TOX: variants seen among roughly 807,000 people sequenced by gnomAD.
TOX encodes thymocyte selection-associated high mobility group box protein TOX.
A neutral mutation model predicts 53.7 loss-of-function variants in TOX; 11 were observed. The ratio of observed to expected loss-of-function variants is 0.20; its 90% confidence interval spans 0.13 to 0.34. TOX has a LOEUF of 0.34. TOX is among the 10% of genes least tolerant of loss of function. The pLI, the probability that TOX is intolerant of heterozygous loss-of-function variation, is 1.00. For synonymous variants in TOX, 225 were observed against 245.3 expected (o/e 0.92, Z 0.77); for missense variants, 570 against 664.6 (o/e 0.86, Z 1.56).
chr8:59,057,232 G>T (rs1803902682), intron 1 of TOX, among the ~76,000 whole-genome samples: 1 of 151,894 alleles, frequency 6.6e-6, no homozygotes, highest in African/African-American at 2.4e-5. Context: ...AACATAAAAT[G>T]AAAAATATGC....
chr8:58,890,964 A>C (rs1005044804), intron 3 of TOX, among the ~76,000 whole-genome samples: 1 of 152,120 alleles, frequency 6.6e-6, no homozygotes, highest in African/African-American at 2.4e-5. Flanking sequence ...GTCCAACAGG[A>C]TCTTAGAGAT....
At chr8:59,021,482 AT>A (rs1359189605) in intron 1 of TOX, among the ~76,000 whole-genome samples, 37 of 29,748 alleles carry the variant, frequency 1.2e-3, no homozygotes, top group African/African-American at 1.9e-3. Flanking sequence ...AAAAAAAAAA[AT>A]ATATATATAT....
chr8:58,862,454 TC>T (rs1811026702), intron 3 of TOX, among the ~76,000 whole-genome samples: 2 of 152,136 alleles, frequency 1.3e-5, no homozygotes, highest in Admixed American at 1.3e-4. Context: ...TCAAAACTAA[TC>T]ATAAAAACTA....
At chr8:59,081,530 C>A (rs993452813) in intron 1 of TOX, among the ~76,000 whole-genome samples, 8 of 152,116 alleles carry the variant, frequency 5.3e-5, no homozygotes, top group African/African-American at 1.9e-4. Context: ...AAGAGGAAGT[C>A]AATGGTAGCT....
At chr8:59,056,324 A>T (rs533970232) in intron 1 of TOX, among the ~76,000 whole-genome samples, 15 of 146,464 alleles carry the variant, frequency 1.0e-4, no homozygotes, top group African/African-American at 3.5e-4. Context: ...CCCCGCTACT[A>T]GGGAGGCTAA....
At chr8:58,990,413 T>A (rs1458906366) in intron 1 of TOX, among the ~76,000 whole-genome samples, 2 of 151,280 alleles carry the variant, frequency 1.3e-5, no homozygotes, top group Non-Finnish European at 2.9e-5. Flanking sequence ...ATTTATTTAT[T>A]TTTATTTATT....
intron 7 of TOX, among the ~76,000 whole-genome samples, chr8:58,809,659 G>C (rs1385900323): frequency 6.6e-6 from 1 of 152,202 alleles, no homozygotes; most frequent in African/African-American, 2.4e-5. Context: ...AAATAAGTTT[G>C]TCTGTGTAGA....
intron 1 of TOX, among the ~76,000 whole-genome samples, chr8:59,116,732 T>C (rs1805106778): frequency 1.3e-5 from 2 of 152,234 alleles, no homozygotes; most frequent in South Asian, 2.1e-4. Flanking sequence ...TTAAAAAATC[T>C]ATTATTCTCT....
At chr8:59,059,266 T>C (rs1585993683) in intron 1 of TOX, among the ~76,000 whole-genome samples, 1 of 152,296 alleles carries the variant, frequency 6.6e-6, no homozygotes, top group East Asian at 1.9e-4. Flanking sequence ...AAAATTAAAA[T>C]AAAATTTAAT....
At chr8:59,080,240 T>G (rs1287917157) in intron 1 of TOX, among the ~76,000 whole-genome samples, 2 of 152,054 alleles carry the variant, frequency 1.3e-5, no homozygotes, top group African/African-American at 4.8e-5. Context: ...CTTAGCCTCC[T>G]AAAGTGCTAG....
intron 1 of TOX, among the ~76,000 whole-genome samples, chr8:59,058,546 A>G (rs1466972344): frequency 6.6e-6 from 1 of 152,194 alleles, no homozygotes; most frequent in Middle Eastern, 3.2e-3. Flanking sequence ...GTTCCGGAAG[A>G]AGGCAAGCCA....
intron 6 of TOX, among the ~76,000 whole-genome samples, chr8:58,820,040 C>T (rs1176115339): frequency 6.6e-6 from 1 of 152,124 alleles, no homozygotes; most frequent in Admixed American, 6.5e-5. Flanking sequence ...TACAGAGCTG[C>T]AAATTTTACG....
chr8:58,882,946 A>G (rs1811408004), intron 3 of TOX, among the ~76,000 whole-genome samples: 1 of 152,240 alleles, frequency 6.6e-6, no homozygotes, highest in Admixed American at 6.5e-5. Context: ...TCTTTAAGGT[A>G]CAGAAGAACA....
At chr8:58,894,200 G>A (rs967471890) in intron 3 of TOX, among the ~76,000 whole-genome samples, 8 of 152,196 alleles carry the variant, frequency 5.3e-5, no homozygotes, top group Non-Finnish European at 1.2e-4. Flanking sequence ...ATGCGACAAT[G>A]GGTCAGATTG....
At chr8:58,998,516 T>TGTA (rs1563413354) in intron 1 of TOX, among the ~76,000 whole-genome samples, 26 of 121,286 alleles carry the variant, frequency 2.1e-4, no homozygotes, top group African/African-American at 8.1e-4. Context: ...TATATATATA[T>TGTA]ATATATATAT....
chr8:58,944,673 A>C (rs1812498116), intron 2 of TOX, among the ~76,000 whole-genome samples: 1 of 152,212 alleles, frequency 6.6e-6, no homozygotes, highest in South Asian at 2.1e-4. Flanking sequence ...TAAGCATTAA[A>C]AACAAAAACA....
At chr8:59,070,681 A>C (rs1232529985) in intron 1 of TOX, among the ~76,000 whole-genome samples, 1 of 152,158 alleles carries the variant, frequency 6.6e-6, no homozygotes, top group Non-Finnish European at 1.5e-5. Context: ...GAGCAACAAG[A>C]AAAGAATAGT....
At chr8:58,812,899 A>G (rs1810106759) in intron 7 of TOX, among the ~76,000 whole-genome samples, 1 of 152,208 alleles carries the variant, frequency 6.6e-6, no homozygotes, top group African/African-American at 2.4e-5. Flanking sequence ...TTTACTGCTC[A>G]TTTGTTTGTT....
At chr8:58,957,129 G>A (rs1434207418) in intron 2 of TOX, among the ~76,000 whole-genome samples, 3 of 152,282 alleles carry the variant, frequency 2.0e-5, no homozygotes, top group African/African-American at 4.8e-5. Context: ...ACTCTTAACG[G>A]GACAAAGTTC....
Sources: gnomAD v4.1 joint callset for allele counts (sites outside exome capture counted in the v4.1 genomes callset) on GRCh38, gnomAD v4.1.1 for gene constraint, MANE v1.5 for transcripts, NCBI Gene and HGNC (gene_info 2026-07-23, HGNC 2026-07-21) for gene names.